Variants in COBL observed in about 807,000 individuals in gnomAD.
COBL encodes the protein protein cordon-bleu.
COBL carries 51 observed loss-of-function variants against 98.8 expected under a neutral mutation model. The observed-to-expected ratio is 0.52, with a 90% CI of 0.41 to 0.65. COBL has a LOEUF of 0.65. Ranked by LOEUF, COBL falls within the 30% of genes least tolerant of loss-of-function variation. The probability of loss-of-function intolerance (pLI) is 0.00; values close to 1 mark genes in which losing one functional copy is unlikely to be tolerated. For synonymous variants in COBL, 634 were observed against 651.7 expected (o/e 0.97, Z 0.41); for missense variants, 1,617 against 1,617.5 (o/e 1.00, Z 0.01).
At position 51,041,478 on chromosome 7, in the gene COBL, C is replaced by CTTTTTTTTTTTTTTT. The variant is rs773830122; in HGVS notation, c.1406+1890_1406+1904dup. 2.1e-4 allele frequency among the ~76,000 whole-genome samples: 17 copies of CTTTTTTTTTTTTTTT among 80,020 alleles called. 1 individual carries two copies. The highest frequency in any genetic ancestry group is 3.4e-4 in the African/African-American group (7 of 20,620). The allele number at this position is 80,020 out of a possible 152,430, so 52.5% of individuals were successfully genotyped here. ...TAAATCAGTTTACCTTATTTCTTTC[C>CTTTTTTTTTTTTTTT]TTTTTTTTTTTTTTTTTTTTTTTGA... On this transcript the variant is annotated intron_variant, in intron 8 of 12. Coordinates refer to ENST00000265136, the MANE Select transcript of COBL (RefSeq NM_015198.5).
At chr7:51,262,045 G>A (rs1797770525) in intron 1 of COBL, among the ~76,000 whole-genome samples, 1 of 152,200 alleles carries the variant, frequency 6.6e-6, no homozygotes, top group South Asian at 2.1e-4. Flanking sequence ...AGAGGGGTTG[G>A]GATGGAGCTG....
intron 1 of COBL, among the ~76,000 whole-genome samples, chr7:51,260,647 T>G (rs1797631304): frequency 6.6e-6 from 1 of 152,076 alleles, no homozygotes; most frequent in East Asian, 1.9e-4. Flanking sequence ...TGTTGCAGAA[T>G]GGGATAAGGA....
intron 1 of COBL, among the ~76,000 whole-genome samples, chr7:51,313,483 A>T (rs946812655): frequency 1.3e-5 from 2 of 152,252 alleles, no homozygotes. Context: ...GTGTACATGA[A>T]GTCCACATTT....
chr7:51,172,471 T>TG, intron 5 of COBL: 1 of 1,288,412 alleles, frequency 7.8e-7, no homozygotes, highest in Non-Finnish European at 1.0e-6. Context: ...AACCCCTTCC[T>TG]GGGGCAGCCC....
intron 6 of COBL, among the ~76,000 whole-genome samples, chr7:51,087,119 AAC>A (rs148428247): frequency 0.069 from 10,355 of 149,458 alleles, 405 homozygotes; most frequent in Middle Eastern, 0.17. Context: ...CATACACACA[AAC>A]ACACACACAC....
intron 12 of COBL, chr7:51,021,043 A>G (rs1786879104): frequency 6.6e-6 from 1 of 152,162 alleles, no homozygotes. Context: ...GGGCACCCTC[A>G]TTGAAAGGAG....
At chr7:51,309,893 G>T (rs1380285283) in intron 1 of COBL, among the ~76,000 whole-genome samples, 1 of 152,206 alleles carries the variant, frequency 6.6e-6, no homozygotes, top group Non-Finnish European at 1.5e-5. Context: ...GGGAGGGCGT[G>T]GGGTGTGAGA....
At chr7:51,191,513 A>G (rs1042147987) in intron 3 of COBL, among the ~76,000 whole-genome samples, 2 of 151,294 alleles carry the variant, frequency 1.3e-5, no homozygotes, top group Non-Finnish European at 2.9e-5. Flanking sequence ...ATATCCACAT[A>G]AATACAGGAA....
intron 1 of COBL, among the ~76,000 whole-genome samples, chr7:51,243,776 G>A (rs764097762): frequency 1.1e-4 from 16 of 152,112 alleles, no homozygotes; most frequent in Non-Finnish European, 2.2e-4. Flanking sequence ...GCCTGAAAGG[G>A]GGTAGAGGGA....
intron 7 of COBL, among the ~76,000 whole-genome samples, chr7:51,055,669 T>TGCCGGCCG (rs538546243): frequency 6.6e-6 from 1 of 152,186 alleles, no homozygotes; most frequent in Non-Finnish European, 1.5e-5. Context: ...GTGTTGCTGC[T>TGCCGGCCG]GCCGGCCGGC....
intron 1 of COBL, among the ~76,000 whole-genome samples, chr7:51,285,698 T>C (rs985667106): frequency 3.3e-5 from 5 of 152,220 alleles, no homozygotes; most frequent in Non-Finnish European, 5.9e-5. Context: ...TAACAAAATT[T>C]CAAATTCTCA....
chr7:51,209,587 C>T (rs1439522168), intron 2 of COBL, among the ~76,000 whole-genome samples: 1 of 152,182 alleles, frequency 6.6e-6, no homozygotes, highest in East Asian at 1.9e-4. Context: ...CCACAGAGAA[C>T]CCTCAGCATA....
At chr7:51,295,735 G>A (rs1801365996) in intron 1 of COBL, among the ~76,000 whole-genome samples, 1 of 152,188 alleles carries the variant, frequency 6.6e-6, no homozygotes, top group South Asian at 2.1e-4. Context: ...CAAAGCCCAA[G>A]AACTTGTGGC....
rs558943309 is a variant in COBL at position 51,098,355 on chromosome 7, T to C, written c.958-13051A>G. On this transcript the variant is annotated intron_variant, in intron 6 of 12. Transcript: ENST00000265136. ...ACATAGCTGGAAGCCTCACACTTTC[T>C]GGTTTCAAAACATATTACAAAGCTA... Among the ~76,000 whole-genome samples the C allele has an allele frequency of 3.8e-3, 577 of 152,094 alleles. 2 individuals carry two copies. Among genetic ancestry groups the C allele is most frequent in the Middle Eastern group, 6.8e-3 (2 of 294 alleles).
intron 4 of COBL, among the ~76,000 whole-genome samples, chr7:51,187,191 G>C (rs1280455212): frequency 6.6e-6 from 1 of 151,950 alleles, no homozygotes; most frequent in Non-Finnish European, 1.5e-5. Flanking sequence ...GTCTAGAGGA[G>C]GAGACTCAGT....
intron 8 of COBL, among the ~76,000 whole-genome samples, chr7:51,039,414 C>T (rs1237545414): frequency 6.6e-6 from 1 of 152,206 alleles, no homozygotes; most frequent in Non-Finnish European, 1.5e-5. Context: ...GACCACCTGA[C>T]AGGCCTGCTC....
intron 6 of COBL, among the ~76,000 whole-genome samples, chr7:51,107,049 C>T: frequency 6.6e-6 from 1 of 150,888 alleles, no homozygotes; most frequent in African/African-American, 2.4e-5. Context: ...ACATATCCCT[C>T]ACCTCAAATA....
At chr7:51,139,405 T>A (rs1223217953) in intron 5 of COBL, among the ~76,000 whole-genome samples, 1 of 152,196 alleles carries the variant, frequency 6.6e-6, no homozygotes, top group Non-Finnish European at 1.5e-5. Context: ...AGTTCTGATA[T>A]TGATTATCTT....
chr7:51,237,741 T>C (rs1461238185), intron 1 of COBL, among the ~76,000 whole-genome samples: 1 of 152,192 alleles, frequency 6.6e-6, no homozygotes, highest in Non-Finnish European at 1.5e-5. Context: ...GCTGCCTCTA[T>C]TTCAGAAACA....
Sources: gnomAD v4.1 joint callset for allele counts (sites outside exome capture counted in the v4.1 genomes callset) on GRCh38, gnomAD v4.1.1 for gene constraint, MANE v1.5 for transcripts, NCBI Gene and HGNC (gene_info 2026-07-23, HGNC 2026-07-21) for gene names.